CUL1: variants seen among roughly 807,000 people sequenced by gnomAD.
The protein encoded by CUL1 is cullin 1.
In CUL1, 24 loss-of-function variants were observed where a neutral mutation model predicts 118.0. That is an observed-to-expected ratio of 0.20 (90% CI 0.15 to 0.29). The LOEUF (loss-of-function observed/expected upper bound fraction) is 0.29, where lower values mean the gene tolerates loss of function less well. Ranked by LOEUF, CUL1 falls within the 10% of genes least tolerant of loss-of-function variation. CUL1 has a pLI of 1.00. For synonymous variants in CUL1, 332 were observed against 340.4 expected (o/e 0.98, Z 0.27); for missense variants, 361 against 933.8 (o/e 0.39, Z 7.99).
At chr7:148,749,260 T>C (rs1799403804) in intron 2 of CUL1, among the ~76,000 whole-genome samples, 1 of 151,130 alleles carries the variant, frequency 6.6e-6, no homozygotes, top group South Asian at 2.1e-4. Flanking sequence ...CTACTAAAAA[T>C]ACGAAAATTA....
chr7:148,709,235 C>G (rs1385516084), intron 1 of CUL1, among the ~76,000 whole-genome samples: 1 of 152,158 alleles, frequency 6.6e-6, no homozygotes, highest in Non-Finnish European at 1.5e-5. Flanking sequence ...GAGTACAGGC[C>G]AAACTGCGTA....
Position 148,787,190 on chromosome 7 carries a change from C to T in CUL1, c.1479+70C>T, listed in dbSNP as rs1297336157. 71 of 1,533,340 alleles carry T rather than the reference C, an allele frequency of 4.6e-5. No homozygotes were observed. The highest frequency in any genetic ancestry group is 5.4e-5 in the Non-Finnish European group (61 of 1,126,838). 95.0% of individuals were successfully genotyped at this position (1,533,340 alleles called of 1,614,324 possible). A position where few individuals can be genotyped will look rare whatever the true frequency, so the allele number is the denominator to read the frequency against. On this transcript the variant is annotated intron_variant, in intron 13 of 21. Coordinates refer to ENST00000325222, the MANE Select transcript of CUL1 (RefSeq NM_003592.3). The surrounding 1 kb of genome is among the most constrained non-coding windows in gnomAD (Gnocchi z 5.5). The stretch of plus-strand genomic sequence containing the variant: ...ATTAAAACAGCTCTATGGCCGAGCG[C>T]GGTGGCTCATGCCTGTAATCCCAGC...
At chr7:148,769,512 T>A (rs533899884) in intron 9 of CUL1, among the ~76,000 whole-genome samples, 2 of 151,624 alleles carry the variant, frequency 1.3e-5, no homozygotes, top group South Asian at 4.2e-4. Context: ...TTCAGTAATA[T>A]AAGGTGCCTT....
rs199933098 is a variant in CUL1, at chr7:148,754,024, A to G, written c.189A>G (p.Arg63=). The change falls in exon 3 of 22, where the codon CGA becomes CGG. Residue 63 remains arginine (R), a synonymous_variant. Coordinates refer to ENST00000325222, the MANE Select transcript of CUL1 (RefSeq NM_003592.3). The part of the protein sequence containing the change: ...CTSVHQSNQA[R]GAGVPPSKSK... Reference sequence around the variant, plus strand: ...GTGTTCACCAGTCAAACCAAGCACGAGGAGCTGGAGTTCCTCCTTCTAAGT... The same window carrying G: ...GTGTTCACCAGTCAAACCAAGCACGGGGAGCTGGAGTTCCTCCTTCTAAGT... 3.1e-6 allele frequency: 5 copies of G among 1,613,814 alleles called. No homozygotes were observed. The East Asian group carries it at 1.1e-4, about 36-fold the overall frequency.
intron 2 of CUL1, among the ~76,000 whole-genome samples, chr7:148,751,280 C>T (rs1799482143): frequency 6.6e-6 from 1 of 152,114 alleles, no homozygotes; most frequent in Non-Finnish European, 1.5e-5. Context: ...GGCAAGGTGG[C>T]TCACATCTGT....
chr7:148,740,377 C>T (rs920823218), intron 2 of CUL1, among the ~76,000 whole-genome samples: 2 of 152,094 alleles, frequency 1.3e-5, no homozygotes, highest in African/African-American at 4.8e-5. Flanking sequence ...AGATCTAATT[C>T]ACATAGCATA....
At chr7:148,727,586 G>GT (rs1798630164) in intron 1 of CUL1, among the ~76,000 whole-genome samples, 1 of 152,162 alleles carries the variant, frequency 6.6e-6, no homozygotes, top group Admixed American at 6.5e-5. Context: ...TGGAGTAAGT[G>GT]TTAAGAAGGG....
intron 1 of CUL1, among the ~76,000 whole-genome samples, chr7:148,718,772 GATTT>G (rs1798302523): frequency 6.6e-6 from 1 of 152,126 alleles, no homozygotes; most frequent in Non-Finnish European, 1.5e-5. Flanking sequence ...GCATGTGACA[GATTT>G]ATGTTGAGTG....
At chr7:148,768,378 C>CTTT (rs10595637) in intron 9 of CUL1, among the ~76,000 whole-genome samples, 6 of 94,864 alleles carry the variant, frequency 6.3e-5, no homozygotes, top group African/African-American at 1.6e-4. Flanking sequence ...AAGAAAAGCT[C>CTTT]TTTTTTTTTT....
intron 2 of CUL1, among the ~76,000 whole-genome samples, chr7:148,752,591 A>C (rs1017093840): frequency 6.6e-6 from 1 of 152,120 alleles, no homozygotes; most frequent in African/African-American, 2.4e-5. Flanking sequence ...ATTGCTTTAA[A>C]TTACCTTAAT....
chr7:148,741,660 A>C (rs1799143378), intron 2 of CUL1, among the ~76,000 whole-genome samples: 1 of 103,010 alleles, frequency 9.7e-6, no homozygotes, highest in Non-Finnish European at 1.9e-5. Flanking sequence ...GCTGGTCTCG[A>C]GCTCCTGGCC....
intron 9 of CUL1, among the ~76,000 whole-genome samples, chr7:148,781,729 G>A (rs1482903451): frequency 6.6e-6 from 1 of 152,204 alleles, no homozygotes; most frequent in Non-Finnish European, 1.5e-5. Context: ...GGCGTTTTCG[G>A]GAATGAGGGT....
At chr7:148,760,576 C>A (rs1178312008) in intron 7 of CUL1, 80 bp downstream of exon 7, 7 of 1,003,094 alleles carry the variant, frequency 7.0e-6, no homozygotes, top group Non-Finnish European at 8.7e-6. Flanking sequence ...GCATATACAG[C>A]TTTCTTTACA....
intron 4 of CUL1, among the ~76,000 whole-genome samples, chr7:148,758,313 A>G (rs1251105251): frequency 6.6e-6 from 1 of 152,244 alleles, no homozygotes; most frequent in African/African-American, 2.4e-5. Context: ...ACCATATCCA[A>G]GAATGTTGCT....
At chr7:148,744,649 C>A (rs1799251892) in intron 2 of CUL1, among the ~76,000 whole-genome samples, 1 of 152,060 alleles carries the variant, frequency 6.6e-6, no homozygotes, top group African/African-American at 2.4e-5. Flanking sequence ...TTGTTTTAAA[C>A]CATCCTTTGT....
At chr7:148,781,650 G>A (rs1485706721) in intron 9 of CUL1, among the ~76,000 whole-genome samples, 1 of 152,152 alleles carries the variant, frequency 6.6e-6, no homozygotes, top group Non-Finnish European at 1.5e-5. Flanking sequence ...AGTCAACATA[G>A]AGACATCACT....
At chr7:148,711,792 A>G (rs1395820532) in intron 1 of CUL1, among the ~76,000 whole-genome samples, 1 of 152,248 alleles carries the variant, frequency 6.6e-6, no homozygotes, top group East Asian at 1.9e-4. Context: ...CCCACAATCA[A>G]CTGCAGGGCA....
rs543822861 is a variant in CUL1, at chr7:148,777,568, G to A, written c.1084-6215G>A. On this transcript the variant is annotated intron_variant, in intron 9 of 21. Transcript: ENST00000325222. Reference sequence around the variant, plus strand: ...ACAAATGTTTTACCTGAGTCTGCACGTGTTGGAGAGTTCTCCAAATTAACT... The same window carrying A: ...ACAAATGTTTTACCTGAGTCTGCACATGTTGGAGAGTTCTCCAAATTAACT... Among the ~76,000 whole-genome samples the A allele has an allele frequency of 1.3e-4, 20 of 152,342 alleles. 1 individual carries two copies. The South Asian group carries it at 3.5e-3, about 27-fold the overall frequency.
chr7:148,772,418 A>G (rs1800243543), intron 9 of CUL1, among the ~76,000 whole-genome samples: 1 of 57,270 alleles, frequency 1.7e-5, no homozygotes, highest in African/African-American at 1.7e-4. Context: ...CCGTCTCAAA[A>G]AAAAAACAAA....
Sources: gnomAD v4.1 joint callset for allele counts (sites outside exome capture counted in the v4.1 genomes callset) on GRCh38, gnomAD v4.1.1 for gene constraint, Gnocchi (gnomAD v3.1) non-coding constraint, MANE v1.5 for transcripts, NCBI Gene and HGNC (gene_info 2026-07-23, HGNC 2026-07-21) for gene names.